The following GOLGA1 variants were observed in gnomAD, a reference collection of about 807,000 sequenced individuals.
GOLGA1 encodes the protein golgin A1.
Under a neutral mutation model 119.7 loss-of-function variants are expected in GOLGA1, and 63 were observed. The observed-to-expected ratio is 0.53, with a 90% confidence interval of 0.43 to 0.65. The LOEUF (loss-of-function observed/expected upper bound fraction) is 0.65. GOLGA1 is among the 30% of genes least tolerant of loss of function. The probability of loss-of-function intolerance (pLI) is 0.00; values close to 1 mark genes in which losing one functional copy is unlikely to be tolerated. For missense variants in GOLGA1, 798 were observed against 912.8 expected (o/e 0.87, Z 1.62); for synonymous variants, 318 against 333.4 (o/e 0.95, Z 0.50).
rs1312442786 is a variant in GOLGA1, at chr9:124,878,281, T to G, written c.*2249A>C. ...CATTCTCTAGCCCTTGAGGTTGGCC[T>G]TGGAGTGTTAAATATGAGACACAAA... On this transcript the variant is annotated 3_prime_UTR_variant, in exon 23 of 23. Transcript: ENST00000373555. The G allele has an allele frequency of 6.6e-6, 1 of 152,254 alleles. No individual in the cohort carries two copies. Among genetic ancestry groups the G allele is most frequent in the Admixed American group, 6.5e-5 (1 of 15,284 alleles). The allele number at this position is 152,254 out of a possible 1,614,324, so 9.4% of individuals were successfully genotyped here.
At chr9:124,918,687 T>C (rs1409960428) in intron 10 of GOLGA1, among the ~76,000 whole-genome samples, 4 of 151,866 alleles carry the variant, frequency 2.6e-5, no homozygotes, top group African/African-American at 9.7e-5. Flanking sequence ...GCCTAGGAGG[T>C]GGAGGTTGCA....
chr9:124,889,024 CCTACAT>C, intron 18 of GOLGA1, 113 bp downstream of exon 18: 1 of 752,606 alleles, frequency 1.3e-6, no homozygotes, highest in Non-Finnish European at 2.1e-6. Context: ...AAGAAAGGAC[CCTACAT>C]GCAGGGGAGC....
At chr9:124,911,541 G>A (rs1830341963) in intron 11 of GOLGA1, among the ~76,000 whole-genome samples, 1 of 152,222 alleles carries the variant, frequency 6.6e-6, no homozygotes, top group Admixed American at 6.5e-5. Flanking sequence ...TTTGCCAAGG[G>A]GCAGATGTAG....
intron 4 of GOLGA1, 36 bp downstream of exon 4, chr9:124,931,280 T>A: frequency 1.0e-6 from 1 of 954,198 alleles, no homozygotes; most frequent in African/African-American, 1.6e-5. Context: ...AAGGCAAGTT[T>A]CCTGTTGTTT....
At chr9:124,903,725 G>T (rs1251587458) in intron 12 of GOLGA1, among the ~76,000 whole-genome samples, 1 of 151,234 alleles carries the variant, frequency 6.6e-6, no homozygotes, top group Admixed American at 6.6e-5. Flanking sequence ...ACAAAATGTG[G>T]TCTATACATA....
At chr9:124,935,763 CAA>C (rs33934422) in intron 3 of GOLGA1, among the ~76,000 whole-genome samples, 1,585 of 103,556 alleles carry the variant, frequency 0.015, 68 homozygotes, top group Admixed American at 0.099. Flanking sequence ...ACTCTGTCTC[CAA>C]AAAAAAAAAA....
chr9:124,882,153 C>G (rs1829601655), intron 20 of GOLGA1, among the ~76,000 whole-genome samples, 199 bp from the exon 21 acceptor site: 1 of 152,184 alleles, frequency 6.6e-6, no homozygotes, highest in Non-Finnish European at 1.5e-5. Flanking sequence ...TTTTCCATGG[C>G]AAGAACACAT....
At chr9:124,914,794 T>C (rs547419374) in intron 10 of GOLGA1, among the ~76,000 whole-genome samples, 1 of 152,340 alleles carries the variant, frequency 6.6e-6, no homozygotes, top group East Asian at 1.9e-4. Flanking sequence ...AAAGTCTGCA[T>C]TTGTTCCCCT....
intron 16 of GOLGA1, 103 bp downstream of exon 16, chr9:124,890,286 A>C (rs1588059912): frequency 2.5e-6 from 2 of 805,316 alleles, no homozygotes; most frequent in Non-Finnish European, 4.3e-6. Context: ...CTACTACCCT[A>C]CCCTGGAGAG....
chr9:124,884,775 T>TA (rs1829678795), intron 19 of GOLGA1, among the ~76,000 whole-genome samples: 1 of 152,240 alleles, frequency 6.6e-6, no homozygotes, highest in South Asian at 2.1e-4. Flanking sequence ...TACTTTATCT[T>TA]ACGTTATTTT....
At chr9:124,887,350 G>T (rs79909594) in intron 19 of GOLGA1, 1 of 152,352 alleles carries the variant, frequency 6.6e-6, no homozygotes, top group Non-Finnish European at 1.5e-5. Context: ...GGGCTGGGAG[G>T]GGCTCAGGGG....
At chr9:124,915,321 T>C (rs766510134) in intron 10 of GOLGA1, among the ~76,000 whole-genome samples, 11 of 152,230 alleles carry the variant, frequency 7.2e-5, no homozygotes, top group Non-Finnish European at 1.2e-4. Flanking sequence ...GAGGACTCGA[T>C]GAGTCCCTAT....
chr9:124,897,743 C>T (rs375001679), intron 15 of GOLGA1, among the ~76,000 whole-genome samples: 12 of 152,300 alleles, frequency 7.9e-5, no homozygotes, highest in African/African-American at 2.9e-4. Context: ...ACTCCAAAGT[C>T]CATGCTTCTC....
chr9:124,880,535 A>G lies in GOLGA1; in HGVS notation c.2299T>C (p.Ser767Pro), dbSNP rs1829550248. 3 of 1,590,166 alleles carry G rather than the reference A, an allele frequency of 1.9e-6. No individual in the cohort carries two copies. Among genetic ancestry groups the G allele is most frequent in the African/African-American group, 2.7e-5 (2 of 74,512 alleles). Residue 767 changes from serine to proline, a missense_variant, in exon 23 of 23, where the codon TCC (serine) becomes CCC (proline). Transcript: ENST00000373555. ...PSISNPRIPW[S>P] is the part of the protein sequence containing the mutation. The stretch of plus-strand genomic sequence containing the variant: ...CCATCCTTGGGTAGTCCCCTCTAGG[A>G]CCATGGTATCCGAGGGTTTGAGATA...
In GOLGA1 at chr9:124,881,952, T is replaced by C. The variant is rs1829595950; in HGVS notation, c.1968A>G (p.Lys656=). The change falls in exon 21 of 23, where the codon AAA becomes AAG. Residue 656 remains lysine, a splice_region_variant and synonymous_variant. Coordinates refer to ENST00000373555, the MANE Select transcript of GOLGA1 (RefSeq NM_002077.4). This position sits in a 1 kb window ranked among gnomAD's most constrained non-coding sequence, Gnocchi z 4.9. The part of the protein sequence containing the change: ...ELRKTLQKEL[K]IRPDNELFEV... ...CGAAGAGCTCATTATCGGGTCTGATTTTCTGAAAAACCAGTGGGAAAGATG... is the reference window on the plus strand; with the variant it reads ...CGAAGAGCTCATTATCGGGTCTGATCTTCTGAAAAACCAGTGGGAAAGATG... 5 of 1,598,664 alleles carry C rather than the reference T, an allele frequency of 3.1e-6. No homozygotes were observed. Among genetic ancestry groups the C allele is most frequent in the African/African-American group, 2.7e-5 (2 of 73,726 alleles).
intron 15 of GOLGA1, 62 bp downstream of exon 15, chr9:124,898,487 G>T: frequency 1.1e-6 from 1 of 936,720 alleles, no homozygotes; most frequent in Non-Finnish European, 1.7e-6. Flanking sequence ...GTGGGGCACT[G>T]TAAATACACA....
chr9:124,907,722 C>A (rs1186933246), intron 12 of GOLGA1, among the ~76,000 whole-genome samples: 1 of 152,182 alleles, frequency 6.6e-6, no homozygotes, highest in Non-Finnish European at 1.5e-5. Context: ...CATTAATCAC[C>A]ATAGCAATGC....
At chr9:124,933,224 C>G (rs560408763) in intron 3 of GOLGA1, among the ~76,000 whole-genome samples, 1 of 152,266 alleles carries the variant, frequency 6.6e-6, no homozygotes, top group Non-Finnish European at 1.5e-5. Context: ...CGCAGAAGAA[C>G]TGACATTACA....
At chr9:124,895,515 C>CA (rs201186645) in intron 15 of GOLGA1, among the ~76,000 whole-genome samples, 1 of 149,422 alleles carries the variant, frequency 6.7e-6, no homozygotes, top group Non-Finnish European at 1.5e-5. Context: ...AACAGAGACC[C>CA]TCCACAACAG....
Sources: allele counts gnomAD v4.1 joint callset (sites outside exome capture counted in the v4.1 genomes callset), GRCh38; gene constraint gnomAD v4.1.1; non-coding constraint Gnocchi (gnomAD v3.1); transcripts MANE v1.5; gene names NCBI Gene and HGNC (gene_info 2026-07-23, HGNC 2026-07-21).